The following LUZP2 variants were observed in gnomAD, a reference collection of about 807,000 sequenced individuals.
The protein encoded by LUZP2 is leucine zipper protein 2.
A neutral mutation model predicts 51.6 loss-of-function variants in LUZP2; 52 were observed. The observed-to-expected ratio is 1.01, with a 90% CI of 0.81 to 1.27. The LOEUF (loss-of-function observed/expected upper bound fraction) is 1.27. Among genes scored for constraint, LUZP2 ranks in the 50% most tolerant of loss-of-function variants. The pLI, the probability that LUZP2 is intolerant of heterozygous loss-of-function variation, is 0.00. For synonymous variants in LUZP2, 154 were observed against 137.3 expected (o/e 1.12, Z -0.85); for missense variants, 436 against 395.4 (o/e 1.10, Z -0.87).
chr11:24,789,703 AG>A (rs1166053090), intron 5 of LUZP2, among the ~76,000 whole-genome samples: 2 of 152,206 alleles, frequency 1.3e-5, no homozygotes, highest in Admixed American at 6.5e-5. Flanking sequence ...TCAAGATGCC[AG>A]CAGTGAGGTC....
At chr11:24,857,750 A>G (rs1220304978) in intron 5 of LUZP2, among the ~76,000 whole-genome samples, 2 of 151,958 alleles carry the variant, frequency 1.3e-5, no homozygotes, top group African/African-American at 4.8e-5. Context: ...TTTTAAAGCC[A>G]TTTTAGCATG....
chr11:24,632,444 T>C (rs577658269), intron 1 of LUZP2, among the ~76,000 whole-genome samples: 20 of 152,174 alleles, frequency 1.3e-4, no homozygotes, highest in African/African-American at 4.6e-4. Context: ...AATTTTTAAC[T>C]AGCTTCCCCC....
chr11:24,645,851 G>C (rs2133953290), intron 1 of LUZP2, among the ~76,000 whole-genome samples: 1 of 152,060 alleles, frequency 6.6e-6, no homozygotes, highest in South Asian at 2.1e-4. Flanking sequence ...GTGTGTGTGT[G>C]TGTGTGTGTG....
intron 1 of LUZP2, among the ~76,000 whole-genome samples, chr11:24,595,361 G>A (rs1590219503): frequency 6.6e-6 from 1 of 152,070 alleles, no homozygotes; most frequent in South Asian, 2.1e-4. Context: ...AGGAGCACAG[G>A]CACTGGGGAA....
At position 24,967,297 on chromosome 11, in the gene LUZP2, A is replaced by G. The variant is rs577598395; in HGVS notation, c.523-9294A>G. On this transcript the variant is annotated intron_variant, in intron 7 of 11. Coordinates refer to ENST00000336930, the MANE Select transcript of LUZP2 (RefSeq NM_001009909.4). ...TTAATTTAGGGAGACCAGACATTAT[A>G]AGAATATTAAATCTCGTGTTCAACA... 1.1e-4 allele frequency among the ~76,000 whole-genome samples: 17 copies of G among 152,084 alleles called. 1 individual carries two copies. Among genetic ancestry groups the G allele is most frequent in the African/African-American group, 4.1e-4 (17 of 41,574 alleles).
intron 1 of LUZP2, among the ~76,000 whole-genome samples, chr11:24,561,968 G>A (rs1852054432): frequency 6.6e-6 from 1 of 152,096 alleles, no homozygotes; most frequent in African/African-American, 2.4e-5. Flanking sequence ...AAAGATGCAA[G>A]AAAGTAGATG....
chr11:25,056,785 C>T (rs1372691899), intron 10 of LUZP2, among the ~76,000 whole-genome samples: 1 of 152,080 alleles, frequency 6.6e-6, no homozygotes, highest in Non-Finnish European at 1.5e-5. Context: ...AGATTTTCTT[C>T]TGTCAATATT....
intron 5 of LUZP2, among the ~76,000 whole-genome samples, chr11:24,836,904 G>C (rs1378537026): frequency 6.6e-6 from 1 of 151,818 alleles, no homozygotes; most frequent in Non-Finnish European, 1.5e-5. Flanking sequence ...TTGGATTAAA[G>C]TTGAGATCCT....
chr11:24,546,358 C>T (rs72874832), intron 1 of LUZP2, among the ~76,000 whole-genome samples: 7,356 of 152,082 alleles, frequency 0.048, 256 homozygotes, highest in Middle Eastern at 0.071. Flanking sequence ...CTGTCTGTTG[C>T]CAGTTTTCAA....
At chr11:24,965,843 T>C (rs1048193672) in intron 7 of LUZP2, among the ~76,000 whole-genome samples, 5 of 151,894 alleles carry the variant, frequency 3.3e-5, no homozygotes, top group Admixed American at 2.0e-4. Flanking sequence ...TTACTATAGA[T>C]AGCACCCAAG....
chr11:24,812,944 C>A (rs1850062650), intron 5 of LUZP2, among the ~76,000 whole-genome samples: 1 of 152,102 alleles, frequency 6.6e-6, no homozygotes, highest in Non-Finnish European at 1.5e-5. Flanking sequence ...TTCATTTTTG[C>A]CCTGGTTTGT....
rs190593498 is a variant in LUZP2, at chr11:25,044,319, G to T, written c.766-5719G>T. 5.8e-3 allele frequency among the ~76,000 whole-genome samples: 789 copies of T among 136,704 alleles called. 9 individuals are homozygous for T. The highest frequency in any genetic ancestry group is 0.01 in the Non-Finnish European group (651 of 63,952). 89.7% of individuals were successfully genotyped at this position (136,704 alleles called of 152,430 possible). On this transcript the variant is annotated intron_variant, in intron 9 of 11. Transcript: ENST00000336930. ...CTGATGCCCATTTTATTTAAATACT[G>T]ATCCAGAATTGAAATCCATATTCCT...
At chr11:24,617,543 G>A (rs1176839619) in intron 1 of LUZP2, among the ~76,000 whole-genome samples, 3 of 152,146 alleles carry the variant, frequency 2.0e-5, no homozygotes, top group Admixed American at 6.6e-5. Context: ...TAGTTGGGCC[G>A]GGGGCCGTGG....
At chr11:24,713,612 G>T (rs1444517268) in intron 1 of LUZP2, among the ~76,000 whole-genome samples, 2 of 149,952 alleles carry the variant, frequency 1.3e-5, no homozygotes, top group East Asian at 4.0e-4. Context: ...GGCCAAAGTG[G>T]CAAGATCACC....
At chr11:24,926,664 T>TAC (rs1453212627) in intron 7 of LUZP2, among the ~76,000 whole-genome samples, 4 of 126,372 alleles carry the variant, frequency 3.2e-5, no homozygotes, top group African/African-American at 1.1e-4. Flanking sequence ...TGTGTATATA[T>TAC]ATATGTGTGT....
At chr11:24,678,952 G>A (rs1456186905) in intron 1 of LUZP2, among the ~76,000 whole-genome samples, 1 of 152,204 alleles carries the variant, frequency 6.6e-6, no homozygotes, top group Non-Finnish European at 1.5e-5. Flanking sequence ...ACAATCCTTG[G>A]CATTTAGACT....
At chr11:24,753,059 T>C (rs982384074) in intron 4 of LUZP2, among the ~76,000 whole-genome samples, 2 of 152,112 alleles carry the variant, frequency 1.3e-5, no homozygotes, top group Admixed American at 6.6e-5. Context: ...GGGAAGACAC[T>C]ATATACTCGC....
chr11:24,767,132 T>A (rs1860222324), intron 5 of LUZP2, among the ~76,000 whole-genome samples: 1 of 152,196 alleles, frequency 6.6e-6, no homozygotes, highest in African/African-American at 2.4e-5. Context: ...TAGTAAGTGG[T>A]CTTCCCCAAT....
chr11:24,880,633 A>C (rs1852430458), intron 5 of LUZP2, among the ~76,000 whole-genome samples: 1 of 152,088 alleles, frequency 6.6e-6, no homozygotes, highest in South Asian at 2.1e-4. Context: ...GTCTCTGTAG[A>C]ATTTATTAGA....
Sources: gnomAD v4.1 joint callset for allele counts (sites outside exome capture counted in the v4.1 genomes callset) on GRCh38, gnomAD v4.1.1 for gene constraint, MANE v1.5 for transcripts, NCBI Gene and HGNC (gene_info 2026-07-23, HGNC 2026-07-21) for gene names.